Variants in CRAMP1 observed in about 807,000 individuals in gnomAD.
The protein encoded by CRAMP1 is protein cramped-like.
In CRAMP1, 50 loss-of-function variants were observed where a neutral mutation model predicts 115.4. The observed-to-expected ratio is 0.43, with a 90% CI of 0.35 to 0.55. The LOEUF is 0.55. CRAMP1 is among the 20% of genes least tolerant of loss of function. The pLI is 0.01. For missense variants in CRAMP1, 1,679 were observed against 1,721.7 expected (o/e 0.98, Z 0.44); for synonymous variants, 866 against 745.4 (o/e 1.16, Z -2.64).
intron 8 of CRAMP1, among the ~76,000 whole-genome samples, chr16:1,653,687 G>A (rs2036743882): frequency 6.6e-6 from 1 of 151,624 alleles, no homozygotes; most frequent in Admixed American, 6.6e-5. Flanking sequence ...AAAAAAAGGT[G>A]GCAGGCGCCT....
At chr16:1,652,080 G>T (rs1285521995) in intron 6 of CRAMP1, among the ~76,000 whole-genome samples, 1 of 152,186 alleles carries the variant, frequency 6.6e-6, no homozygotes, top group African/African-American at 2.4e-5. Flanking sequence ...GAGAGGTCAT[G>T]GGGAGGAGGA....
intron 6 of CRAMP1, among the ~76,000 whole-genome samples, chr16:1,647,524 T>C (rs1596490473): frequency 2.6e-5 from 4 of 152,052 alleles, no homozygotes; most frequent in Admixed American, 2.6e-4. Flanking sequence ...GTGGATCACT[T>C]GAGGCCAGGA....
chr16:1,652,137 G>A (rs2036729858), intron 6 of CRAMP1, among the ~76,000 whole-genome samples: 1 of 152,238 alleles, frequency 6.6e-6, no homozygotes, highest in African/African-American at 2.4e-5. Flanking sequence ...ACTGCACAGA[G>A]CTGGGGCAGT....
rs2036948061 is a variant in CRAMP1, at chr16:1,674,224, A to G, written c.*179A>G. The G allele has an allele frequency of 3.2e-6, 2 of 631,452 alleles. No homozygotes were observed. Among genetic ancestry groups the G allele is most frequent in the African/African-American group, 3.7e-5 (2 of 54,414 alleles). 39.1% of individuals were successfully genotyped at this position (631,452 alleles called of 1,614,324 possible). On this transcript the variant is annotated 3_prime_UTR_variant, in exon 21 of 21. Transcript: ENST00000397412. ...GCAGGCAACGGCGTCCAAGGAGACT[A>G]GGATGAGTTCTTGGCAAGGGCCAGC...
intron 2 of CRAMP1, among the ~76,000 whole-genome samples, chr16:1,620,902 A>G (rs2142169729): frequency 6.7e-6 from 1 of 149,082 alleles, no homozygotes; most frequent in African/African-American, 2.5e-5. Flanking sequence ...CGGGGCTTCT[A>G]AAGCCTCAGT....
At chr16:1,629,050 C>G (rs767111780) in intron 3 of CRAMP1, among the ~76,000 whole-genome samples, 3 of 152,234 alleles carry the variant, frequency 2.0e-5, no homozygotes, top group Non-Finnish European at 4.4e-5. Context: ...ATTTCTGTGG[C>G]AGGTCTGCAC....
intron 11 of CRAMP1, 47 bp downstream of exon 11, chr16:1,660,110 G>A: frequency 6.9e-7 from 1 of 1,440,874 alleles, no homozygotes; most frequent in East Asian, 2.5e-5. Flanking sequence ...TGCCCTGATG[G>A]CACCTCAGGC....
At position 1,666,130 on chromosome 16, in the gene CRAMP1, C is replaced by G; in HGVS notation, c.2810C>G (p.Pro937Arg). 6.2e-7 allele frequency: 1 copy of G among 1,611,410 alleles called. No homozygotes were observed. The highest frequency in any genetic ancestry group is 8.5e-7 in the Non-Finnish European group (1 of 1,178,896). The change falls in exon 15 of 21, where the codon CCG (proline) becomes CGG (arginine). Residue 937 changes from proline (P) to arginine (R), a missense_variant. Physicochemically the swap from Pro to Arg is moderately radical, Grantham distance 103. Coordinates refer to ENST00000397412, the MANE Select transcript of CRAMP1 (RefSeq NM_020825.4). The surrounding 1 kb of genome is among the most constrained non-coding windows in gnomAD (Gnocchi z 5.0). ...CTGACCAAAGCAGCTCTGTCTCGGC[C>G]GATCGTGCCCAAGGTCCTTCCACCC... ...SSLTKAALSR[P>R]IVPKVLPPQA...
intron 6 of CRAMP1, among the ~76,000 whole-genome samples, chr16:1,644,774 C>T (rs1255307205): frequency 1.3e-5 from 2 of 152,160 alleles, no homozygotes; most frequent in South Asian, 2.1e-4. Flanking sequence ...GAGAGCCCCT[C>T]GTTCTGGGTA....
chr16:1,664,947 C>G (rs1484934250), intron 13 of CRAMP1, 110 bp from the exon 14 acceptor site: 9 of 756,728 alleles, frequency 1.2e-5, no homozygotes, highest in Non-Finnish European at 2.1e-5. Flanking sequence ...GGAAAAAGCC[C>G]CACCTGGCTA....
chr16:1,674,002 A>G lies in CRAMP1; in HGVS notation c.3767A>G (p.Asp1256Gly), dbSNP rs368501359. Residue 1256 changes from aspartate (D) to glycine (G), a missense_variant, in exon 21 of 21, where the codon GAT becomes GGT. Transcript: ENST00000397412. Reference protein sequence around the residue: ...AEPGRREALFDGGGGGPAVSD... With the variant: ...AEPGRREALFGGGGGGPAVSD... ...CCTGGCCGCCGAGAAGCTCTGTTTG[A>G]TGGTGGTGGAGGCGGCCCCGCTGTC... 28 of 1,612,430 alleles carry G rather than the reference A, an allele frequency of 1.7e-5. No homozygotes were observed. The highest frequency in any genetic ancestry group is 5.0e-5 in the Admixed American group (3 of 60,004).
In CRAMP1 at chr16:1,651,511, A is replaced by T. The variant is rs548115055; in HGVS notation, c.828-985A>T. ...CTAGAGGTGGATTGAGGTCACACAC[A>T]GGTCATCTAGAGGTGGACTGAGGTC... On this transcript the variant is annotated intron_variant, in intron 6 of 20. Transcript: ENST00000397412. Among the ~76,000 whole-genome samples, 4 of 150,780 alleles carry T rather than the reference A, an allele frequency of 2.7e-5. No individual in the cohort carries two copies. In the East Asian group the frequency reaches 5.9e-4, roughly 22 times the overall value.
At chr16:1,622,854 C>T (rs555549489) in intron 2 of CRAMP1, among the ~76,000 whole-genome samples, 10 of 151,808 alleles carry the variant, frequency 6.6e-5, no homozygotes, top group South Asian at 4.2e-4. Flanking sequence ...CTCTGCCTCC[C>T]GGTTTCAAGT....
intron 6 of CRAMP1, among the ~76,000 whole-genome samples, chr16:1,651,107 C>T (rs571872970): frequency 6.8e-6 from 1 of 147,606 alleles, no homozygotes; most frequent in African/African-American, 2.5e-5. Flanking sequence ...GAGGAGGACT[C>T]AGAGGCCACA....
At position 1,668,156 on chromosome 16, in the gene CRAMP1, C is replaced by G. The variant is rs1380587649; in HGVS notation, c.3297C>G (p.Asp1099Glu). Residue 1099 changes from aspartate (D) to glutamate (E), a missense_variant, in exon 18 of 21, where the codon GAC (aspartate) becomes GAG (glutamate). This residue lies in a region of CRAMP1 where 709 missense variants were observed against 741.9 expected (regional missense o/e 0.96). Coordinates refer to ENST00000397412, the MANE Select transcript of CRAMP1 (RefSeq NM_020825.4). ...SQGEPATHISDSIIEIAISSG... is the reference protein window; with the variant it reads ...SQGEPATHISESIIEIAISSG... ...GCGAGCCTGCCACACACATTAGCGA[C>G]TCCATCATTGAGATCGCCATCAGCT... 1 of 1,613,674 alleles carries G rather than the reference C, an allele frequency of 6.2e-7. No individual in the cohort carries two copies. Among genetic ancestry groups the G allele is most frequent in the Non-Finnish European group, 8.5e-7 (1 of 1,179,872 alleles).
At position 1,656,408 on chromosome 16, in the gene CRAMP1, C is replaced by T; in HGVS notation, c.1651C>T (p.Leu551=). The T allele has an allele frequency of 6.3e-7, 1 of 1,591,374 alleles. No homozygotes were observed. The highest frequency in any genetic ancestry group is 8.6e-7 in the Non-Finnish European group (1 of 1,169,120). ...LPCACGQLPD[L]EDELSLLDPL... is the part of the protein sequence containing the mutation. ...GTGTGCCTGTGGCCAGCTCCCAGACCTGGAGGACGAGCTCTCGCTTCTAGA... is the reference window on the plus strand; with the variant it reads ...GTGTGCCTGTGGCCAGCTCCCAGACTTGGAGGACGAGCTCTCGCTTCTAGA... Residue 551 remains leucine, a synonymous_variant, in exon 10 of 21, where the codon CTG becomes TTG. Coordinates refer to ENST00000397412, the MANE Select transcript of CRAMP1 (RefSeq NM_020825.4). This position sits in a 1 kb window ranked among gnomAD's most constrained non-coding sequence, Gnocchi z 5.6.
intron 11 of CRAMP1, among the ~76,000 whole-genome samples, chr16:1,662,286 G>A (rs1298185561): frequency 6.6e-6 from 1 of 152,238 alleles, no homozygotes; most frequent in African/African-American, 2.4e-5. Flanking sequence ...CCAGTGGTCT[G>A]CTCAAAATGG....
chr16:1,643,339 G>A (rs2036648078), intron 6 of CRAMP1, among the ~76,000 whole-genome samples: 1 of 152,098 alleles, frequency 6.6e-6, no homozygotes, highest in Non-Finnish European at 1.5e-5. Flanking sequence ...TCAAGAGTTC[G>A]AAACCAGCAT....
chr16:1,657,730 A>C (rs1426483208), intron 10 of CRAMP1, among the ~76,000 whole-genome samples: 1 of 152,170 alleles, frequency 6.6e-6, no homozygotes, highest in Non-Finnish European at 1.5e-5. Flanking sequence ...GGGGTGCAGA[A>C]GGCACTGCTG....
Sources: allele counts gnomAD v4.1 joint callset (sites outside exome capture counted in the v4.1 genomes callset), GRCh38; gene constraint gnomAD v4.1.1; regional missense constraint gnomAD v4.1.1; non-coding constraint Gnocchi (gnomAD v3.1); transcripts MANE v1.5; gene names NCBI Gene and HGNC (gene_info 2026-07-23, HGNC 2026-07-21).